Variants in HCN1 observed in about 807,000 individuals in gnomAD.
The protein encoded by HCN1 is potassium/sodium hyperpolarization-activated cyclic nucleotide-gated channel 1.
Under a neutral mutation model 78.9 loss-of-function variants are expected in HCN1, and 13 were observed. That is an observed-to-expected ratio of 0.16 (90% CI 0.11 to 0.26). The LOEUF is 0.26. Ranked by LOEUF, HCN1 falls within the 10% of genes least tolerant of loss-of-function variation. HCN1 has a pLI of 1.00. For missense variants in HCN1, 810 were observed against 1,154.3 expected, an observed-to-expected ratio of 0.70 and a Z score of 4.32; for synonymous variants, 552 against 455.5, an observed-to-expected ratio of 1.21 and a Z score of -2.70.
intron 3 of HCN1, among the ~76,000 whole-genome samples, chr5:45,460,746 T>A (rs994331510): frequency 6.9e-6 from 1 of 145,430 alleles, no homozygotes; most frequent in Non-Finnish European, 1.5e-5. Flanking sequence ...GGGAAGAAGA[T>A]AGAAAAGGAA....
chr5:45,639,075 T>C (rs1212828610), intron 2 of HCN1, among the ~76,000 whole-genome samples: 1 of 152,194 alleles, frequency 6.6e-6, no homozygotes, highest in African/African-American at 2.4e-5. Context: ...GAAGAAAGTA[T>C]AGTTAGAAAT....
Position 45,590,567 on chromosome 5 carries a change from T to C in HCN1, c.849+54618A>G, listed in dbSNP as rs75207879. Among the ~76,000 whole-genome samples the C allele has an allele frequency of 3.1e-3, 476 of 152,316 alleles. 23 individuals are homozygous for C. In the East Asian group the frequency reaches 0.073, roughly 23 times the overall value. ...TGTACCTTCTATGGGTTTGGACAAG[T>C]GTATAATGACCCCTTTAGTATTATA... On this transcript the variant is annotated intron_variant, in intron 2 of 7. Transcript: ENST00000303230.
At chr5:45,498,718 C>G (rs929440497) in intron 2 of HCN1, among the ~76,000 whole-genome samples, 8 of 152,080 alleles carry the variant, frequency 5.3e-5, no homozygotes, top group Non-Finnish European at 1.0e-4. Context: ...GTGGTTTTAT[C>G]TACTTTTGGT....
intron 2 of HCN1, among the ~76,000 whole-genome samples, chr5:45,507,858 A>G (rs1742339967): frequency 6.6e-6 from 1 of 152,162 alleles, no homozygotes; most frequent in African/African-American, 2.4e-5. Flanking sequence ...ATATAAAGGT[A>G]AGCATTTTCT....
At chr5:45,319,487 G>T (rs1382394692) in intron 5 of HCN1, among the ~76,000 whole-genome samples, 1 of 151,772 alleles carries the variant, frequency 6.6e-6, no homozygotes, top group Non-Finnish European at 1.5e-5. Context: ...ATTTTCCTAA[G>T]CTTTTTGATC....
At chr5:45,497,235 G>A (rs1418712126) in intron 2 of HCN1, among the ~76,000 whole-genome samples, 1 of 152,260 alleles carries the variant, frequency 6.6e-6, no homozygotes, top group East Asian at 1.9e-4. Flanking sequence ...GTGCAGAGCT[G>A]AGTTCAATTC....
At chr5:45,640,614 G>A (rs1369493597) in intron 2 of HCN1, among the ~76,000 whole-genome samples, 18 of 146,430 alleles carry the variant, frequency 1.2e-4, no homozygotes, top group African/African-American at 1.5e-4. Flanking sequence ...CACTCTTGTC[G>A]CCCAGGCTGG....
chr5:45,366,164 T>TG (rs1747231300), intron 4 of HCN1, among the ~76,000 whole-genome samples: 1 of 146,900 alleles, frequency 6.8e-6, no homozygotes, highest in Non-Finnish European at 1.5e-5. Context: ...ATTATAGCAT[T>TG]TGTGTGTGTG....
chr5:45,539,557 C>T (rs927557839), intron 2 of HCN1, among the ~76,000 whole-genome samples: 3 of 150,302 alleles, frequency 2.0e-5, no homozygotes, highest in African/African-American at 7.3e-5. Context: ...CCCAGCCACT[C>T]GGGAGGCTGA....
intron 6 of HCN1, among the ~76,000 whole-genome samples, chr5:45,273,233 T>C (rs923213265): frequency 6.6e-6 from 1 of 152,138 alleles, no homozygotes; most frequent in African/African-American, 2.4e-5. Context: ...CTATTGGTAA[T>C]GCATCCTGTA....
chr5:45,299,404 T>C (rs1200295943), intron 6 of HCN1, among the ~76,000 whole-genome samples: 3 of 151,960 alleles, frequency 2.0e-5, no homozygotes, highest in Non-Finnish European at 4.4e-5. Flanking sequence ...TACATCAATA[T>C]CTTCATCTCT....
At chr5:45,509,113 C>T (rs1471382516) in intron 2 of HCN1, among the ~76,000 whole-genome samples, 1 of 152,078 alleles carries the variant, frequency 6.6e-6, no homozygotes, top group African/African-American at 2.4e-5. Context: ...TTGAGCATTA[C>T]AAATGATTAC....
chr5:45,490,436 T>C (rs1257330749), intron 2 of HCN1, among the ~76,000 whole-genome samples: 4 of 152,198 alleles, frequency 2.6e-5, no homozygotes, highest in African/African-American at 9.6e-5. Flanking sequence ...TCTCCAGTTA[T>C]TTCAAACATT....
At chr5:45,497,441 C>T (rs1167242475) in intron 2 of HCN1, among the ~76,000 whole-genome samples, 1 of 152,178 alleles carries the variant, frequency 6.6e-6, no homozygotes, top group Non-Finnish European at 1.5e-5. Flanking sequence ...GAATTGATCC[C>T]TTTACCATTA....
chr5:45,587,123 C>T (rs543787984), intron 2 of HCN1, among the ~76,000 whole-genome samples: 16 of 152,264 alleles, frequency 1.1e-4, no homozygotes, highest in African/African-American at 3.6e-4. Context: ...AGTTCAACCA[C>T]TGTGGAAGAC....
rs866760974 is a variant in HCN1, at chr5:45,256,639, C to G, written c.*5282G>C. On this transcript the variant is annotated 3_prime_UTR_variant, in exon 8 of 8. Transcript: ENST00000303230. Reference sequence around the variant, plus strand: ...TGACCTCCTAAGTTCAAGCGATCCTCCTGCCTTAACTTTCTGAGTAACTAG... The same window carrying G: ...TGACCTCCTAAGTTCAAGCGATCCTGCTGCCTTAACTTTCTGAGTAACTAG... 2 of 152,362 alleles carry G rather than the reference C, an allele frequency of 1.3e-5. No individual in the cohort carries two copies. The highest frequency in any genetic ancestry group is 4.8e-5 in the African/African-American group (2 of 41,562). 9.4% of individuals were successfully genotyped at this position (152,362 alleles called of 1,614,324 possible).
intron 2 of HCN1, among the ~76,000 whole-genome samples, chr5:45,545,019 G>T (rs187572434): frequency 6.6e-6 from 1 of 151,938 alleles, no homozygotes; most frequent in Non-Finnish European, 1.5e-5. Context: ...CTGAGGAATC[G>T]CCACACTGAC....
chr5:45,340,242 A>C (rs971923402), intron 5 of HCN1, among the ~76,000 whole-genome samples: 1 of 152,182 alleles, frequency 6.6e-6, no homozygotes, highest in South Asian at 2.1e-4. Context: ...TTAATAAAAC[A>C]CATGACACAG....
chr5:45,598,205 T>A (rs1744546920), intron 2 of HCN1, among the ~76,000 whole-genome samples: 1 of 152,256 alleles, frequency 6.6e-6, no homozygotes, highest in East Asian at 1.9e-4. Flanking sequence ...ATGGTACTGG[T>A]ACCAAAATAG....
Sources: gnomAD v4.1 joint callset for allele counts (sites outside exome capture counted in the v4.1 genomes callset) on GRCh38, gnomAD v4.1.1 for gene constraint, MANE v1.5 for transcripts, NCBI Gene and HGNC (gene_info 2026-07-23, HGNC 2026-07-21) for gene names.